The following ADAMTSL1 variants were observed in gnomAD, a reference collection of about 807,000 sequenced individuals.
The protein encoded by ADAMTSL1 is ADAMTS-like protein 1.
In ADAMTSL1, 126 loss-of-function variants were observed where a neutral mutation model predicts 201.8. The ratio of observed to expected loss-of-function variants is 0.62; its 90% CI spans 0.54 to 0.72. The LOEUF (loss-of-function observed/expected upper bound fraction) is 0.72. Among genes scored for constraint, ADAMTSL1 ranks in the 30% least tolerant of loss-of-function variants. The pLI, the probability that ADAMTSL1 is intolerant of heterozygous loss-of-function variation, is 0.00. For missense variants in ADAMTSL1, 2,679 were observed against 2,277.8 expected (o/e 1.18, Z -3.59); for synonymous variants, 1,121 against 903.4 (o/e 1.24, Z -4.32).
intron 2 of ADAMTSL1, among the ~76,000 whole-genome samples, chr9:18,455,000 C>G (rs932077336): frequency 6.6e-6 from 1 of 152,136 alleles, no homozygotes; most frequent in Non-Finnish European, 1.5e-5. Context: ...CCACCCCCAC[C>G]TTGCACAATT....
intron 2 of ADAMTSL1, among the ~76,000 whole-genome samples, chr9:18,214,037 C>T (rs1829977974): frequency 6.6e-6 from 1 of 152,032 alleles, no homozygotes; most frequent in African/African-American, 2.4e-5. Flanking sequence ...GCCCCTCGCC[C>T]AAAGAAATTT....
chr9:18,014,803 C>A (rs1477107176), intron 1 of ADAMTSL1, among the ~76,000 whole-genome samples: 1 of 151,998 alleles, frequency 6.6e-6, no homozygotes, highest in Non-Finnish European at 1.5e-5. Flanking sequence ...TATCCAAATA[C>A]ATCAGAACTG....
chr9:18,297,673 C>T (rs1833527255), intron 2 of ADAMTSL1, among the ~76,000 whole-genome samples: 1 of 150,948 alleles, frequency 6.6e-6, no homozygotes, highest in South Asian at 2.1e-4. Flanking sequence ...GTTAGGCTCC[C>T]AAATACCTTT....
At chr9:18,071,986 C>G (rs1314804836) in intron 1 of ADAMTSL1, among the ~76,000 whole-genome samples, 1 of 152,154 alleles carries the variant, frequency 6.6e-6, no homozygotes, top group Non-Finnish European at 1.5e-5. Flanking sequence ...TTAATGGTTC[C>G]AAGCTCTTGA....
rs1420896246 is a variant in ADAMTSL1, at chr9:18,909,443, G to C, written c.*895G>C. On this transcript the variant is annotated 3_prime_UTR_variant, in exon 29 of 29. Coordinates refer to ENST00000380548, the MANE Select transcript of ADAMTSL1 (RefSeq NM_001040272.6). ...CTGCAGCAAAGCCAGTGAGAGGTGG[G>C]TCTCGCCATGCAGTAAGGCCACCCT... is the stretch of plus-strand genomic sequence containing the variant. The C allele has an allele frequency of 6.6e-6, 1 of 152,362 alleles. No homozygotes were observed. The highest frequency in any genetic ancestry group is 1.5e-5 in the Non-Finnish European group (1 of 68,158). 9.4% of individuals were successfully genotyped at this position (152,362 alleles called of 1,614,324 possible).
At chr9:17,932,991 A>G (rs1310237917) in intron 1 of ADAMTSL1, among the ~76,000 whole-genome samples, 1 of 152,144 alleles carries the variant, frequency 6.6e-6, no homozygotes, top group African/African-American at 2.4e-5. Flanking sequence ...CTGGTCCATC[A>G]TGGTTACAAA....
chr9:18,017,000 C>A (rs1254305672), intron 1 of ADAMTSL1, among the ~76,000 whole-genome samples: 1 of 152,016 alleles, frequency 6.6e-6, no homozygotes, highest in Non-Finnish European at 1.5e-5. Flanking sequence ...CTTATTACAT[C>A]CTCCCACATC....
chr9:18,140,688 G>C (rs1826361477), intron 1 of ADAMTSL1, among the ~76,000 whole-genome samples: 1 of 152,176 alleles, frequency 6.6e-6, no homozygotes, highest in South Asian at 2.1e-4. Context: ...TCAGTTCTGA[G>C]AATGGTGGGA....
chr9:18,156,623 C>T (rs1275606352), intron 1 of ADAMTSL1, among the ~76,000 whole-genome samples: 1 of 117,958 alleles, frequency 8.5e-6, no homozygotes, highest in African/African-American at 3.0e-5. Flanking sequence ...ATTTAAAGCA[C>T]AGACATAAAC....
intron 1 of ADAMTSL1, among the ~76,000 whole-genome samples, chr9:18,150,544 A>C (rs901971296): frequency 6.6e-6 from 1 of 152,082 alleles, no homozygotes; most frequent in Non-Finnish European, 1.5e-5. Flanking sequence ...ACTTCTTTCT[A>C]GAAACATGGC....
intron 23 of ADAMTSL1, among the ~76,000 whole-genome samples, chr9:18,853,835 A>C (rs1288865328): frequency 1.3e-5 from 2 of 151,276 alleles, no homozygotes; most frequent in Admixed American, 1.3e-4. Flanking sequence ...CAAAGAGATA[A>C]GTTCCTGTTC....
intron 4 of ADAMTSL1, among the ~76,000 whole-genome samples, chr9:18,581,386 A>G (rs1334282285): frequency 6.6e-6 from 1 of 152,212 alleles, no homozygotes; most frequent in Non-Finnish European, 1.5e-5. Flanking sequence ...TTTTGACTTT[A>G]GCTTATCTTT....
intron 2 of ADAMTSL1, among the ~76,000 whole-genome samples, chr9:18,310,397 A>AAAAAAAAAAAAAAAAAAAAAAAAAC (rs1834095565): frequency 7.2e-6 from 1 of 139,414 alleles, no homozygotes; most frequent in Non-Finnish European, 1.5e-5. Flanking sequence ...AAAAAAAAAA[A>AAAAAAAAAAAAAAAAAAAAAAAAAC]AACTATCTTC....
chr9:18,181,236 C>G (rs186845488), intron 2 of ADAMTSL1, among the ~76,000 whole-genome samples: 245 of 152,324 alleles, frequency 1.6e-3, no homozygotes, highest in Admixed American at 2.9e-3. Flanking sequence ...GCAAGGACTT[C>G]ATGTCTAAAA....
At chr9:18,792,280 C>G (rs1176882612) in intron 19 of ADAMTSL1, among the ~76,000 whole-genome samples, 4 of 152,048 alleles carry the variant, frequency 2.6e-5, no homozygotes. Flanking sequence ...CCTTATATAC[C>G]CCAGTTTAAC....
At chr9:18,438,123 C>A (rs1280240071) in intron 2 of ADAMTSL1, among the ~76,000 whole-genome samples, 1 of 151,702 alleles carries the variant, frequency 6.6e-6, no homozygotes, top group Non-Finnish European at 1.5e-5. Context: ...CAGATAACAT[C>A]AAGCAGAATC....
chr9:18,432,494 C>A (rs1819538508), intron 2 of ADAMTSL1, among the ~76,000 whole-genome samples: 1 of 152,070 alleles, frequency 6.6e-6, no homozygotes, highest in South Asian at 2.1e-4. Flanking sequence ...TAGATTAAGC[C>A]AATAAAACCC....
At chr9:18,725,281 T>C (rs776593394) in intron 15 of ADAMTSL1, among the ~76,000 whole-genome samples, 96 of 152,234 alleles carry the variant, frequency 6.3e-4, no homozygotes, top group Non-Finnish European at 9.7e-4. Flanking sequence ...CAAGCTTTAA[T>C]AGAAAAGAGA....
intron 23 of ADAMTSL1, among the ~76,000 whole-genome samples, chr9:18,838,628 A>T (rs1332839586): frequency 6.6e-6 from 1 of 152,016 alleles, no homozygotes; most frequent in Non-Finnish European, 1.5e-5. Flanking sequence ...AGCATTTAAG[A>T]CCAGCCTGGG....
Sources: gnomAD v4.1 joint callset for allele counts (sites outside exome capture counted in the v4.1 genomes callset) on GRCh38, gnomAD v4.1.1 for gene constraint, MANE v1.5 for transcripts, NCBI Gene and HGNC (gene_info 2026-07-23, HGNC 2026-07-21) for gene names.